Variants in IGF2BP3 observed in about 807,000 individuals in gnomAD.
The protein encoded by IGF2BP3 is insulin like growth factor 2 mRNA binding protein 3, also known as insulin-like growth factor 2 mRNA-binding protein 3.
Under a neutral mutation model 73.8 loss-of-function variants are expected in IGF2BP3, and 9 were observed. The observed-to-expected ratio is 0.12, with a 90% CI of 0.07 to 0.21. The LOEUF is 0.21. IGF2BP3 is among the 10% of genes least tolerant of loss of function. The pLI is 1.00. For missense variants in IGF2BP3, 542 were observed against 714.0 expected (o/e 0.76, Z 2.75); for synonymous variants, 258 against 256.7 (o/e 1.01, Z -0.05).
rs987818033 is a variant in IGF2BP3 at position 23,311,919 on chromosome 7, T to G, written c.*443A>C. On this transcript the variant is annotated 3_prime_UTR_variant, in exon 15 of 15. Transcript: ENST00000258729. Reference sequence around the variant, plus strand: ...AGAACAGTTTTTCTATGCTAATGGCTTAACATTTAAGTTCCTGTGATAATT... The same window carrying G: ...AGAACAGTTTTTCTATGCTAATGGCGTAACATTTAAGTTCCTGTGATAATT... The G allele has an allele frequency of 2.5e-5, 4 of 157,448 alleles. No homozygotes were observed. The highest frequency in any genetic ancestry group is 9.6e-5 in the African/African-American group (4 of 41,574). The allele number at this position is 157,448 out of a possible 1,614,324, so 9.8% of individuals were successfully genotyped here.
At chr7:23,338,846 C>T (rs1688887785) in intron 10 of IGF2BP3, among the ~76,000 whole-genome samples, 3 of 152,074 alleles carry the variant, frequency 2.0e-5, no homozygotes, top group Admixed American at 6.5e-5. Flanking sequence ...GAAATAAAAA[C>T]AGTAATATAT....
intron 3 of IGF2BP3, among the ~76,000 whole-genome samples, chr7:23,401,353 A>T (rs566666751): frequency 6.6e-6 from 1 of 152,302 alleles, no homozygotes; most frequent in South Asian, 2.1e-4. Context: ...AGCATCATGA[A>T]CTGCCGGGAG....
intron 10 of IGF2BP3, among the ~76,000 whole-genome samples, chr7:23,333,505 A>G (rs909920894): frequency 1.3e-5 from 2 of 152,238 alleles, no homozygotes; most frequent in Admixed American, 1.3e-4. Flanking sequence ...TGTTTTGCTG[A>G]TGAGAAATAA....
chr7:23,435,528 TCAC>T (rs1267468175), intron 2 of IGF2BP3, among the ~76,000 whole-genome samples: 1 of 149,028 alleles, frequency 6.7e-6, no homozygotes, highest in African/African-American at 2.5e-5. Flanking sequence ...ATCTCACAGC[TCAC>T]CACAACCTCC....
At chr7:23,373,731 G>A (rs999253225) in intron 3 of IGF2BP3, among the ~76,000 whole-genome samples, 1 of 152,146 alleles carries the variant, frequency 6.6e-6, no homozygotes, top group African/African-American at 2.4e-5. Context: ...TGTCTTCTTC[G>A]AATCTCATGC....
At chr7:23,337,638 A>G (rs535393458) in intron 10 of IGF2BP3, among the ~76,000 whole-genome samples, 1 of 152,380 alleles carries the variant, frequency 6.6e-6, no homozygotes, top group South Asian at 2.1e-4. Flanking sequence ...TGAGGCAAAC[A>G]GAAGTATGAA....
intron 3 of IGF2BP3, among the ~76,000 whole-genome samples, chr7:23,404,634 G>A (rs1270548409): frequency 2.0e-5 from 3 of 152,016 alleles, no homozygotes; most frequent in Non-Finnish European, 4.4e-5. Context: ...AGGCAAGATC[G>A]CAGTAAATTA....
At chr7:23,389,954 C>A (rs115371125) in intron 3 of IGF2BP3, among the ~76,000 whole-genome samples, 1 of 152,062 alleles carries the variant, frequency 6.6e-6, no homozygotes, top group Non-Finnish European at 1.5e-5. Flanking sequence ...CCAGCCTGGG[C>A]AACAGAGTGA....
intron 5 of IGF2BP3, among the ~76,000 whole-genome samples, chr7:23,360,986 A>G (rs1015485907): frequency 3.9e-5 from 6 of 152,024 alleles, no homozygotes; most frequent in Non-Finnish European, 7.4e-5. Context: ...CCTAGGGGAG[A>G]CTGTTTGATC....
chr7:23,331,555 C>T (rs1299281135), intron 10 of IGF2BP3, among the ~76,000 whole-genome samples: 3 of 152,012 alleles, frequency 2.0e-5, no homozygotes, highest in Non-Finnish European at 4.4e-5. Context: ...AAAAGAACTA[C>T]CCAAGAATGG....
At chr7:23,437,764 A>G (rs1787839674) in intron 2 of IGF2BP3, among the ~76,000 whole-genome samples, 1 of 152,202 alleles carries the variant, frequency 6.6e-6, no homozygotes, top group South Asian at 2.1e-4. Flanking sequence ...GAACAAAAGT[A>G]AAAAACTATT....
At chr7:23,393,698 T>C (rs1394075053) in intron 3 of IGF2BP3, among the ~76,000 whole-genome samples, 1 of 152,206 alleles carries the variant, frequency 6.6e-6, no homozygotes, top group Non-Finnish European at 1.5e-5. Flanking sequence ...GAAGTTGAAA[T>C]GAACAGGCTC....
intron 11 of IGF2BP3, 61 bp from the exon 12 acceptor site, chr7:23,317,774 C>T (rs887498420): frequency 7.5e-7 from 1 of 1,325,288 alleles, no homozygotes; most frequent in African/African-American, 1.4e-5. Context: ...GCATCTTGGG[C>T]CAACCAGCCT....
chr7:23,366,784 C>G (rs953104000), intron 3 of IGF2BP3, among the ~76,000 whole-genome samples: 1 of 152,040 alleles, frequency 6.6e-6, no homozygotes, highest in African/African-American at 2.4e-5. Flanking sequence ...TGTCAATAGC[C>G]TAATAAGATT....
intron 2 of IGF2BP3, among the ~76,000 whole-genome samples, chr7:23,435,292 C>CAAAAAAAAAAAAA (rs35846648): frequency 1.3e-4 from 6 of 47,940 alleles, no homozygotes; most frequent in Non-Finnish European, 1.8e-4. Context: ...GACTCTGTCT[C>CAAAAAAAAAAAAA]AAAAAAAAAA....
At chr7:23,375,809 G>A (rs1785698709) in intron 3 of IGF2BP3, among the ~76,000 whole-genome samples, 1 of 152,186 alleles carries the variant, frequency 6.6e-6, no homozygotes, top group Non-Finnish European at 1.5e-5. Flanking sequence ...ACTGGAGGAG[G>A]AGAAGAGGTA....
chr7:23,322,681 G>T (rs933880896), intron 10 of IGF2BP3, among the ~76,000 whole-genome samples: 1 of 152,110 alleles, frequency 6.6e-6, no homozygotes. Context: ...GAAAGGTCGG[G>T]TTACCCACAA....
intron 2 of IGF2BP3, among the ~76,000 whole-genome samples, chr7:23,437,917 C>T (rs1413492691): frequency 9.9e-5 from 15 of 152,168 alleles, no homozygotes; most frequent in Admixed American, 9.2e-4. Flanking sequence ...TAACCAAAGT[C>T]AAAACGCAAG....
At chr7:23,437,578 G>T (rs1209545944) in intron 2 of IGF2BP3, among the ~76,000 whole-genome samples, 3 of 152,070 alleles carry the variant, frequency 2.0e-5, no homozygotes, top group Admixed American at 2.0e-4. Context: ...AGACAATTCT[G>T]CACAATTCAT....
Sources: gnomAD v4.1 joint callset for allele counts (sites outside exome capture counted in the v4.1 genomes callset) on GRCh38, gnomAD v4.1.1 for gene constraint, MANE v1.5 for transcripts, NCBI Gene and HGNC (gene_info 2026-07-23, HGNC 2026-07-21) for gene names.